NIPAL4: variants seen among roughly 807,000 people sequenced by gnomAD.
NIPAL4 encodes the protein magnesium transporter NIPA4.
NIPAL4 carries 21 observed loss-of-function variants against 31.6 expected under a neutral mutation model. The ratio of observed to expected loss-of-function variants is 0.67; its 90% CI spans 0.47 to 0.96. The LOEUF (loss-of-function observed/expected upper bound fraction) is 0.96, where lower values mean the gene tolerates loss of function less well. NIPAL4 is among the 40% of genes least tolerant of loss of function. The pLI, the probability that NIPAL4 is intolerant of heterozygous loss-of-function variation, is 0.00. For missense variants in NIPAL4, 438 were observed against 508.0 expected, an observed-to-expected ratio of 0.86 and a Z score of 1.32; for synonymous variants, 175 against 211.1, an observed-to-expected ratio of 0.83 and a Z score of 1.48.
chr5:157,466,951 C>A, intron 2 of NIPAL4, 98 bp from the exon 3 acceptor site: 1 of 867,926 alleles, frequency 1.2e-6, no homozygotes, highest in Non-Finnish European at 1.9e-6. Context: ...CCTCAAGGAG[C>A]AGCCCTTAGA....
rs1423614974 is a variant in NIPAL4 at position 157,474,577 on chromosome 5, A to C, written c.*1617A>C. The C allele has an allele frequency of 6.6e-6, 1 of 152,230 alleles. No homozygotes were observed. Among genetic ancestry groups the C allele is most frequent in the African/African-American group, 2.4e-5 (1 of 41,458 alleles). 9.4% of individuals were successfully genotyped at this position (152,230 alleles called of 1,614,324 possible). On this transcript the variant is annotated 3_prime_UTR_variant, in exon 6 of 6. Transcript: ENST00000311946. ...CTGGCTCCCTGACTCTTCAGCCTCA[A>C]ATCCCCAGTTTTTGATGAATGTGGA...
intron 1 of NIPAL4, among the ~76,000 whole-genome samples, chr5:157,461,219 C>T (rs1754095668): frequency 6.6e-6 from 1 of 152,206 alleles, no homozygotes; most frequent in African/African-American, 2.4e-5. Flanking sequence ...TTCAGCCTCA[C>T]CTTTTCTCTA....
At chr5:157,464,720 G>A (rs1474980745) in intron 2 of NIPAL4, among the ~76,000 whole-genome samples, 3 of 151,872 alleles carry the variant, frequency 2.0e-5, no homozygotes, top group African/African-American at 4.8e-5. Context: ...AGGAGGGACA[G>A]GTTTATGGGA....
chr5:157,471,950 A>C (rs1754452781), intron 5 of NIPAL4, 133 bp downstream of exon 5: 1 of 696,378 alleles, frequency 1.4e-6, no homozygotes, highest in Non-Finnish European at 2.5e-6. Context: ...TAAAGAAGAA[A>C]TGTTAATGGG....
intron 3 of NIPAL4, 142 bp from the exon 4 acceptor site, chr5:157,468,580 C>T: frequency 1.5e-6 from 1 of 646,812 alleles, no homozygotes; most frequent in African/African-American, 1.8e-5. Flanking sequence ...CGATCAGACT[C>T]TCCAGGGAGA....
intron 2 of NIPAL4, 92 bp downstream of exon 2, chr5:157,463,425 G>T (rs1581265887): frequency 1.4e-6 from 2 of 1,403,068 alleles, no homozygotes; most frequent in Non-Finnish European, 1.9e-6. Flanking sequence ...CCTCAGCAAG[G>T]TACAAAAGGC....
chr5:157,462,908 T>C (rs940809602), intron 1 of NIPAL4, among the ~76,000 whole-genome samples, 186 bp from the exon 2 acceptor site: 5 of 152,232 alleles, frequency 3.3e-5, no homozygotes, highest in African/African-American at 1.2e-4. Context: ...GTTGTGGTCA[T>C]GCAAAGAAAG....
intron 1 of NIPAL4, chr5:157,460,639 A>C: frequency 1.1e-5 from 5 of 472,108 alleles, no homozygotes; most frequent in Non-Finnish European, 1.2e-5. Context: ...ACGACAGCAG[A>C]CACCCTGAGA....
At chr5:157,468,435 G>A (rs1754340822) in intron 3 of NIPAL4, among the ~76,000 whole-genome samples, 2 of 152,178 alleles carry the variant, frequency 1.3e-5, no homozygotes, top group African/African-American at 4.8e-5. Flanking sequence ...GTGCCTGTCA[G>A]ACTAGAAGCC....
chr5:157,460,432 G>T (rs1346934905), intron 1 of NIPAL4, 75 bp downstream of exon 1: 5 of 1,396,992 alleles, frequency 3.6e-6, no homozygotes, highest in South Asian at 2.5e-5. Flanking sequence ...GCTCTCCCTC[G>T]CATCCTCTCC....
rs1452328130 is a variant in NIPAL4, at chr5:157,460,362, G to T, written c.37+5G>T. 1 of 1,543,580 alleles carries T rather than the reference G, an allele frequency of 6.5e-7. No individual in the cohort carries two copies. The highest frequency in any genetic ancestry group is 8.7e-7 in the Non-Finnish European group (1 of 1,145,220). On this transcript the variant is annotated splice_donor_5th_base_variant and intron_variant, in intron 1 of 5. Transcript: ENST00000311946. ...GCAACACCAGCTGCGAGAACGGTGC[G>T]TACGGCAGGGCTGGGGACCAGGCGG... is the stretch of plus-strand genomic sequence containing the variant.
intron 4 of NIPAL4, among the ~76,000 whole-genome samples, chr5:157,469,376 T>A (rs185608763): frequency 3.3e-4 from 51 of 152,312 alleles, no homozygotes; most frequent in Admixed American, 2.7e-3. Flanking sequence ...TAGTAGGGGC[T>A]TAGTATGTGC....
At chr5:157,470,214 G>A (rs1754387327) in intron 4 of NIPAL4, among the ~76,000 whole-genome samples, 1 of 152,108 alleles carries the variant, frequency 6.6e-6, no homozygotes. Flanking sequence ...GCATGCCCCC[G>A]TGATTATACG....
rs761263913 is a variant in NIPAL4 at position 157,472,643 on chromosome 5, G to A, written c.898G>A (p.Val300Met). 34 of 1,613,806 alleles carry A rather than the reference G, an allele frequency of 2.1e-5. No homozygotes were observed. Among genetic ancestry groups the A allele is most frequent in the South Asian group, 1.1e-4 (10 of 91,072 alleles). Residue 300 changes from valine (V) to methionine (M), a missense_variant, in exon 6 of 6, where the codon GTG becomes ATG. By Grantham distance (21) the Val-to-Met change is conservative. Transcript: ENST00000311946. ...TTCCCTGGTGTTCCCCATCTACTAC[G>A]TGTTCTTCACCACGGTGGTCGTTAC... Reference protein sequence around the residue: ...NTSLVFPIYYVFFTTVVVTSS... With the variant: ...NTSLVFPIYYMFFTTVVVTSS...
intron 2 of NIPAL4, 102 bp downstream of exon 2, chr5:157,463,435 C>T: frequency 7.4e-7 from 1 of 1,351,566 alleles, no homozygotes; most frequent in East Asian, 2.5e-5. Flanking sequence ...GTACAAAAGG[C>T]TCATTGTCAA....
At position 157,472,691 on chromosome 5, in the gene NIPAL4, G is replaced by A. The variant is rs1255386092; in HGVS notation, c.946G>A (p.Glu316Lys). 6.2e-7 allele frequency: 1 copy of A among 1,613,928 alleles called. No individual in the cohort carries two copies. The highest frequency in any genetic ancestry group is 8.5e-7 in the Non-Finnish European group (1 of 1,179,888). Residue 316 changes from glutamate to lysine, a missense_variant, in exon 6 of 6, where the codon GAG becomes AAG. Coordinates refer to ENST00000311946, the MANE Select transcript of NIPAL4 (RefSeq NM_001099287.2). The stretch of plus-strand genomic sequence containing the variant: ...TACCTCGTCCATCATCCTCTTCAAG[G>A]AGTGGTACAGCATGTCTGCTGTGGA... The part of the protein sequence containing the change: ...VVTSSIILFK[E>K]WYSMSAVDIA...
intron 4 of NIPAL4, among the ~76,000 whole-genome samples, chr5:157,469,018 T>C (rs1347511138): frequency 6.6e-6 from 1 of 152,112 alleles, no homozygotes; most frequent in Non-Finnish European, 1.5e-5. Context: ...GACTGGGTAA[T>C]AGAGAGGCAG....
chr5:157,460,706 T>G (rs1754076570), intron 1 of NIPAL4: 2 of 501,624 alleles, frequency 4.0e-6, no homozygotes, highest in Non-Finnish European at 7.8e-6. Context: ...CTTCAGGTTT[T>G]AGTACCTGCG....
At chr5:157,467,295 A>C in intron 3 of NIPAL4, 190 bp downstream of exon 3, 1 of 589,992 alleles carries the variant, frequency 1.7e-6, no homozygotes, top group Non-Finnish European at 3.1e-6. Context: ...TTCATCCATG[A>C]AGCGTCTACT....
Sources: gnomAD v4.1 joint callset for allele counts (sites outside exome capture counted in the v4.1 genomes callset) on GRCh38, gnomAD v4.1.1 for gene constraint, MANE v1.5 for transcripts, NCBI Gene and HGNC (gene_info 2026-07-23, HGNC 2026-07-21) for gene names.